Variants in ROBO2 observed in about 807,000 individuals in gnomAD.
ROBO2 encodes the protein roundabout guidance receptor 2.
ROBO2 carries 53 observed loss-of-function variants against 160.8 expected under a neutral mutation model. The observed-to-expected ratio is 0.33, with a 90% CI of 0.26 to 0.41. The LOEUF is 0.41. Among genes scored for constraint, ROBO2 ranks in the 10% least tolerant of loss-of-function variants. ROBO2 has a pLI of 1.00. For synonymous variants in ROBO2, 664 were observed against 611.7 expected (o/e 1.09, Z -1.26); for missense variants, 1,577 against 1,722.4 (o/e 0.92, Z 1.49).
chr3:76,641,920 T>C (rs142252292), intron 2 of ROBO2, among the ~76,000 whole-genome samples: 2,107 of 152,112 alleles, frequency 0.014, 15 homozygotes, highest in Middle Eastern at 0.034. Context: ...TATTTTATTT[T>C]ATTTTGTAGA....
At chr3:77,010,817 C>CTG (rs1394050965) in intron 2 of ROBO2, among the ~76,000 whole-genome samples, 30 of 150,822 alleles carry the variant, frequency 2.0e-4, no homozygotes, top group African/African-American at 6.1e-4. Flanking sequence ...CTTTTTCTTT[C>CTG]TCTCCTTCCT....
intron 2 of ROBO2, among the ~76,000 whole-genome samples, chr3:76,637,525 C>T (rs2090407980): frequency 6.6e-6 from 1 of 151,762 alleles, no homozygotes; most frequent in East Asian, 1.9e-4. Flanking sequence ...GGCGGGGGAG[C>T]CAACTGAGTG....
In ROBO2 at chr3:76,152,583, GTATAAAATATTTGAT is replaced by G. The variant is rs1225079020; in HGVS notation, c.109+214984_109+214998del. Among the ~76,000 whole-genome samples, 207 of 152,144 alleles carry G rather than the reference GTATAAAATATTTGAT, an allele frequency of 1.4e-3. 1 individual carries two copies. The highest frequency in any genetic ancestry group is 4.9e-3 in the African/African-American group (205 of 41,540). On this transcript the variant is annotated intron_variant, in intron 2 of 26. Coordinates refer to the ROBO2 transcript ENST00000487694. The stretch of plus-strand genomic sequence containing the variant: ...GTGTTAATGTTTATGAATTAAAATA[GTATAAAATATTTGAT>G]TAGAGTTCTCTTTGCAATTCTTCTG...
intron 2 of ROBO2, among the ~76,000 whole-genome samples, chr3:76,182,747 C>G (rs892096478): frequency 1.3e-5 from 2 of 152,120 alleles, no homozygotes; most frequent in Non-Finnish European, 2.9e-5. Flanking sequence ...AATATCCTTC[C>G]TTGGACTGCA....
intron 2 of ROBO2, among the ~76,000 whole-genome samples, chr3:76,174,949 T>C (rs999750902): frequency 6.6e-6 from 1 of 152,212 alleles, no homozygotes; most frequent in Non-Finnish European, 1.5e-5. Context: ...TAAATTACTT[T>C]GGGCAGTATG....
chr3:76,256,357 T>TACACACACACACACAC (rs746860395), intron 2 of ROBO2, among the ~76,000 whole-genome samples: 5 of 106,618 alleles, frequency 4.7e-5, no homozygotes, highest in Non-Finnish European at 7.5e-5. Context: ...CTCTCTCACA[T>TACACACACACACACAC]ACACACACAC....
intron 2 of ROBO2, among the ~76,000 whole-genome samples, chr3:77,163,957 G>A (rs2150651362): frequency 6.6e-6 from 1 of 152,304 alleles, no homozygotes; most frequent in Non-Finnish European, 1.5e-5. Flanking sequence ...TTCTTAAGTT[G>A]TAATTATGTT....
chr3:77,002,217 T>C (rs2061367765), intron 2 of ROBO2, among the ~76,000 whole-genome samples: 1 of 152,056 alleles, frequency 6.6e-6, no homozygotes, highest in Non-Finnish European at 1.5e-5. Flanking sequence ...CCTTATAGCC[T>C]ATATTATGGG....
chr3:76,606,182 C>T (rs1330442509), intron 2 of ROBO2, among the ~76,000 whole-genome samples: 1 of 152,066 alleles, frequency 6.6e-6, no homozygotes, highest in Non-Finnish European at 1.5e-5. Context: ...TGGCTTAGCA[C>T]GAACTGCTTC....
intron 2 of ROBO2, among the ~76,000 whole-genome samples, chr3:76,046,952 A>T (rs906352813): frequency 3.9e-5 from 6 of 152,162 alleles, no homozygotes; most frequent in Admixed American, 3.9e-4. Flanking sequence ...CACATTTCTG[A>T]CACCATCTTG....
intron 2 of ROBO2, among the ~76,000 whole-genome samples, chr3:76,091,059 T>G (rs2108093080): frequency 6.6e-6 from 1 of 152,220 alleles, no homozygotes; most frequent in Admixed American, 6.5e-5. Flanking sequence ...AGAAACAGCT[T>G]CAAAGGCATG....
At chr3:76,655,851 A>T (rs933530454) in intron 2 of ROBO2, among the ~76,000 whole-genome samples, 2 of 151,886 alleles carry the variant, frequency 1.3e-5, no homozygotes, top group African/African-American at 4.8e-5. Context: ...TTGATCCAAT[A>T]TATTTCAACA....
intron 7 of ROBO2, among the ~76,000 whole-genome samples, chr3:77,548,310 T>G (rs554811484): frequency 1.3e-5 from 2 of 152,196 alleles, no homozygotes; most frequent in South Asian, 4.1e-4. Flanking sequence ...CAAACAAAGT[T>G]TAAATGAATA....
At chr3:76,978,443 G>A (rs1467862352) in intron 2 of ROBO2, among the ~76,000 whole-genome samples, 2 of 152,104 alleles carry the variant, frequency 1.3e-5, no homozygotes, top group Non-Finnish European at 2.9e-5. Context: ...AATGACCTGA[G>A]ATTTTTAGGA....
chr3:76,422,005 A>C (rs192577896), intron 2 of ROBO2, among the ~76,000 whole-genome samples: 2 of 152,206 alleles, frequency 1.3e-5, no homozygotes, highest in Non-Finnish European at 2.9e-5. Context: ...AGTAATATTG[A>C]ACTGTAAATC....
chr3:76,897,824 A>G (rs1345857582), intron 2 of ROBO2, among the ~76,000 whole-genome samples: 2 of 152,084 alleles, frequency 1.3e-5, no homozygotes, highest in Admixed American at 6.6e-5. Context: ...TTGTCTGTCC[A>G]ATGGCTATAT....
chr3:76,736,582 A>T (rs1165561409), intron 2 of ROBO2, among the ~76,000 whole-genome samples: 1 of 152,220 alleles, frequency 6.6e-6, no homozygotes, highest in East Asian at 1.9e-4. Context: ...AAATAGACAG[A>T]CTTTTAGAAT....
At chr3:77,240,077 C>T (rs562908158) in intron 2 of ROBO2, among the ~76,000 whole-genome samples, 1 of 152,330 alleles carries the variant, frequency 6.6e-6, no homozygotes, top group East Asian at 1.9e-4. Context: ...CAGCCAGTCC[C>T]ATGCTGCGCT....
intron 2 of ROBO2, among the ~76,000 whole-genome samples, chr3:76,858,627 A>G (rs1462738059): frequency 6.6e-6 from 1 of 152,210 alleles, no homozygotes; most frequent in African/African-American, 2.4e-5. Context: ...GTAAGACTCG[A>G]TATCTAAAGC....
Sources: gnomAD v4.1 joint callset for allele counts (sites outside exome capture counted in the v4.1 genomes callset) on GRCh38, gnomAD v4.1.1 for gene constraint, MANE v1.5 for transcripts, NCBI Gene and HGNC (gene_info 2026-07-23, HGNC 2026-07-21) for gene names.